The following KMT2C variants were observed in gnomAD, a reference collection of about 807,000 sequenced individuals.
KMT2C encodes the protein lysine methyltransferase 2C, also known as histone-lysine N-methyltransferase 2C.
A neutral mutation model predicts 507.9 loss-of-function variants in KMT2C; 88 were observed. The observed-to-expected ratio is 0.17, with a 90% CI of 0.15 to 0.21. The LOEUF is 0.21. KMT2C is among the 10% of genes least tolerant of loss of function. The pLI is 1.00. For missense variants in KMT2C, 4,954 were observed against 5,957.8 expected (o/e 0.83, Z 5.55); for synonymous variants, 2,049 against 2,080.8 (o/e 0.98, Z 0.42).
At chr7:152,278,183 T>C (rs1294140870) in intron 6 of KMT2C, among the ~76,000 whole-genome samples, 1 of 152,182 alleles carries the variant, frequency 6.6e-6, no homozygotes, top group Non-Finnish European at 1.5e-5. Context: ...TTCAAAAGTG[T>C]ATGGCATCTC....
intron 21 of KMT2C, 80 bp from the exon 22 acceptor site, chr7:152,222,146 T>A: frequency 2.1e-6 from 2 of 936,448 alleles, no homozygotes; most frequent in Non-Finnish European, 3.1e-6. Context: ...TGATTATAAT[T>A]TCTGTTTCTA....
At chr7:152,187,873 G>A (rs745787872) in intron 31 of KMT2C, 26 bp from the exon 32 acceptor site, 32 of 1,611,610 alleles carry the variant, frequency 2.0e-5, no homozygotes, top group Non-Finnish European at 2.6e-5. Context: ...TAATTCCGTT[G>A]GCATGATATT....
chr7:152,250,005 C>T (rs1252268278), intron 12 of KMT2C, 52 bp from the exon 13 acceptor site: 5 of 1,053,602 alleles, frequency 4.7e-6, no homozygotes, highest in African/African-American at 1.6e-5. Flanking sequence ...TTCTGTAACA[C>T]TGTTCCCTCA....
intron 35 of KMT2C, 29 bp from the exon 36 acceptor site, chr7:152,182,623 A>C: frequency 5.9e-6 from 9 of 1,516,596 alleles, no homozygotes; most frequent in Non-Finnish European, 7.1e-6. Flanking sequence ...AAAAGCAATC[A>C]TATTTAGGTT....
At position 152,252,079 on chromosome 7, in the gene KMT2C, A is replaced by G. The variant is rs771266223; in HGVS notation, c.1481T>C (p.Leu494Pro). 1 of 1,608,512 alleles carries G rather than the reference A, an allele frequency of 6.2e-7. No individual in the cohort carries two copies. The highest frequency in any genetic ancestry group is 1.1e-5 in the South Asian group (1 of 89,752). The change falls in exon 11 of 59, where the codon CTA becomes CCA. Residue 494 changes from leucine to proline, a missense_variant. This residue lies in a region of KMT2C where 376 missense variants were observed against 352.4 expected (regional missense o/e 1.07). Transcript: ENST00000262189. ...HCNMCKRWVHLECDKPTDHEL... is the reference protein window; with the variant it reads ...HCNMCKRWVHPECDKPTDHEL... ...ATGATCTGTTGGTTTGTCACACTCTAGGTGAACCCACCTGCAGTGATAAGT... is the reference window on the plus strand; with the variant it reads ...ATGATCTGTTGGTTTGTCACACTCTGGGTGAACCCACCTGCAGTGATAAGT...
At chr7:152,366,870 G>A (rs1479044453) in intron 1 of KMT2C, 5 of 323,262 alleles carry the variant, frequency 1.5e-5, no homozygotes, top group Admixed American at 5.1e-5. Context: ...CTGCAGAGCC[G>A]GGCGCAGCAA....
chr7:152,417,474 A>G (rs1025035610), intron 1 of KMT2C, among the ~76,000 whole-genome samples: 1 of 152,160 alleles, frequency 6.6e-6, no homozygotes, highest in African/African-American at 2.4e-5. Flanking sequence ...ATCCTGTGAC[A>G]AAGATGTTAT....
rs368967149 is a variant in KMT2C, at chr7:152,237,593, G to A, written c.2652+1114C>T. 2.6e-5 allele frequency among the ~76,000 whole-genome samples: 4 copies of A among 152,268 alleles called. No individual in the cohort carries two copies. In the East Asian group the frequency reaches 5.8e-4, roughly 22 times the overall value. The stretch of plus-strand genomic sequence containing the variant: ...GCTCACTGCAACCTCCGTCTCCTGG[G>A]TTCCAGCAATTCTCCTGCCTCAGCC... On this transcript the variant is annotated intron_variant, in intron 15 of 58. Coordinates refer to ENST00000262189, the MANE Select transcript of KMT2C (RefSeq NM_170606.3).
chr7:152,166,485 G>A (rs2092732751), intron 42 of KMT2C, among the ~76,000 whole-genome samples: 1 of 151,904 alleles, frequency 6.6e-6, no homozygotes, highest in African/African-American at 2.4e-5. Context: ...AACCCATTTT[G>A]TACACTACTA....
intron 40 of KMT2C, among the ~76,000 whole-genome samples, chr7:152,170,220 C>A (rs977067105): frequency 3.3e-5 from 5 of 152,154 alleles, no homozygotes; most frequent in African/African-American, 7.2e-5. Context: ...AAAGGCTATG[C>A]TTTTCCCATT....
chr7:152,158,763 C>T, intron 44 of KMT2C, 100 bp downstream of exon 44: 2 of 1,056,442 alleles, frequency 1.9e-6, no homozygotes, highest in South Asian at 1.3e-5. Context: ...GATCCACCTG[C>T]CTCAGCCTCC....
At chr7:152,382,361 T>A (rs1175099716) in intron 1 of KMT2C, among the ~76,000 whole-genome samples, 1 of 152,128 alleles carries the variant, frequency 6.6e-6, no homozygotes, top group African/African-American at 2.4e-5. Context: ...ACGGCCCCTA[T>A]TTGCCTTTCT....
chr7:152,288,113 A>G (rs1369382738), intron 6 of KMT2C, among the ~76,000 whole-genome samples: 5 of 151,574 alleles, frequency 3.3e-5, no homozygotes, highest in Admixed American at 6.6e-5. Context: ...CAAGAAAGAA[A>G]CAAATACCAA....
At chr7:152,360,836 C>G (rs867761135) in intron 1 of KMT2C, among the ~76,000 whole-genome samples, 1 of 145,066 alleles carries the variant, frequency 6.9e-6, no homozygotes, top group Non-Finnish European at 1.5e-5. Context: ...GCAACAAGGG[C>G]GAAATTCTAT....
intron 1 of KMT2C, among the ~76,000 whole-genome samples, chr7:152,399,179 G>T (rs1256316606): frequency 6.6e-6 from 1 of 152,044 alleles, no homozygotes; most frequent in Non-Finnish European, 1.5e-5. Flanking sequence ...ACTTAAAGCT[G>T]CTATTATATT....
chr7:152,299,047 C>A (rs1387399306), intron 6 of KMT2C, among the ~76,000 whole-genome samples: 1 of 152,098 alleles, frequency 6.6e-6, no homozygotes, highest in South Asian at 2.1e-4. Context: ...AGGCTGGGCA[C>A]GGTGGCTCAC....
At chr7:152,264,388 CAGAAA>C (rs1250871753) in intron 8 of KMT2C, among the ~76,000 whole-genome samples, 3 of 152,072 alleles carry the variant, frequency 2.0e-5, no homozygotes, top group African/African-American at 4.8e-5. Flanking sequence ...GCGGAAATCA[CAGAAA>C]AGACTGGAGA....
At chr7:152,429,817 C>A (rs940891889) in intron 1 of KMT2C, among the ~76,000 whole-genome samples, 26 of 151,720 alleles carry the variant, frequency 1.7e-4, no homozygotes, top group Non-Finnish European at 3.1e-4. Context: ...CCGTGCCCAG[C>A]CTTTCTATTA....
intron 2 of KMT2C, among the ~76,000 whole-genome samples, chr7:152,332,851 A>AACACACACACACACACACACACAC (rs35781658): frequency 7.2e-6 from 1 of 138,520 alleles, no homozygotes; most frequent in African/African-American, 2.7e-5. Flanking sequence ...TGCGTCTCAA[A>AACACACACACACACACACACACAC]ACACACACAC....
Sources: gnomAD v4.1 joint callset for allele counts (sites outside exome capture counted in the v4.1 genomes callset) on GRCh38, gnomAD v4.1.1 for gene constraint, gnomAD v4.1.1 regional missense constraint, MANE v1.5 for transcripts, NCBI Gene and HGNC (gene_info 2026-07-23, HGNC 2026-07-21) for gene names.